The following RPL39L variants were observed in gnomAD, a reference collection of about 807,000 sequenced individuals.
The protein encoded by RPL39L is ribosomal protein eL39-like 2.
For missense variants in RPL39L, 48 were observed against 58.9 expected (o/e 0.81, Z 0.61); for synonymous variants, 16 against 20.1 (o/e 0.80, Z 0.55).
chr3:187,121,053 T>C lies in RPL39L; in HGVS notation c.*92A>G. 1.4e-6 allele frequency: 2 copies of C among 1,395,720 alleles called. No homozygotes were observed. The highest frequency in any genetic ancestry group is 2.0e-6 in the Non-Finnish European group (2 of 992,124). The allele number at this position is 1,395,720 out of a possible 1,614,324, so 86.5% of individuals were successfully genotyped here. ...ATTCCCAGTAAAACATGTGCAACTG[T>C]CCAGGTAGTGGTGACATTTTCAGCT... On this transcript the variant is annotated 3_prime_UTR_variant, in exon 3 of 3. Coordinates refer to ENST00000296277, the MANE Select transcript of RPL39L (RefSeq NM_052969.3).
intron 2 of RPL39L, among the ~76,000 whole-genome samples, chr3:187,127,317 C>G (rs1720414445): frequency 6.6e-6 from 1 of 152,070 alleles, no homozygotes; most frequent in Non-Finnish European, 1.5e-5. Context: ...TGTAATACAT[C>G]AGAGAATGGA....
chr3:187,129,691 A>T lies in RPL39L; in HGVS notation c.-92-1629T>A, dbSNP rs75392691. ...ATGTAGTACCTTTTCATTAATGTCT[A>T]CAAATTGTACTGGATTATGAACCCT... On this transcript the variant is annotated intron_variant, in intron 1 of 2. Transcript: ENST00000296277. 7.9e-3 allele frequency among the ~76,000 whole-genome samples: 1,197 copies of T among 152,306 alleles called. 13 individuals are homozygous for T. Among genetic ancestry groups the T allele is most frequent in the African/African-American group, 0.027 (1,111 of 41,564 alleles).
chr3:187,139,240 A>G lies in RPL39L; in HGVS notation c.-120T>C, dbSNP rs911666528. 1.9e-4 allele frequency: 28 copies of G among 151,200 alleles called. No homozygotes were observed. Among genetic ancestry groups the G allele is most frequent in the Non-Finnish European group, 3.7e-4 (25 of 67,850 alleles). 9.4% of individuals were successfully genotyped at this position (151,200 alleles called of 1,614,324 possible). ...GCGCCCTGGCCTCTGCTTTTTTCCC[A>G]CTCTAGGACGCAAATCTCGATCTGC... On this transcript the variant is annotated 5_prime_UTR_variant, in exon 1 of 3. Transcript: ENST00000296277.
chr3:187,138,488 G>C (rs1720624804), intron 1 of RPL39L, among the ~76,000 whole-genome samples: 1 of 152,200 alleles, frequency 6.6e-6, no homozygotes, highest in Non-Finnish European at 1.5e-5. Context: ...TTACCTACTG[G>C]AATTAATGGA....
In RPL39L at chr3:187,134,483, T is replaced by TAAAAAAAAAAAAAAA. The variant is rs72169562; in HGVS notation, c.-93+4715_-93+4729dup. ...GCCCAAACTACTTTAGCCTGACTGA[T>TAAAAAAAAAAAAAAA]AAAAAAAAAAAAAAAAAAAGAAGAC... On this transcript the variant is annotated intron_variant, in intron 1 of 2. Transcript: ENST00000296277. Among the ~76,000 whole-genome samples, 67 of 93,324 alleles carry TAAAAAAAAAAAAAAA rather than the reference T, an allele frequency of 7.2e-4. 2 individuals are homozygous for TAAAAAAAAAAAAAAA. Among genetic ancestry groups the TAAAAAAAAAAAAAAA allele is most frequent in the African/African-American group, 2.6e-3 (60 of 23,504 alleles). The allele number at this position is 93,324 out of a possible 152,430, so 61.2% of individuals were successfully genotyped here.
chr3:187,135,054 T>C (rs181153993), intron 1 of RPL39L, among the ~76,000 whole-genome samples: 15 of 152,360 alleles, frequency 9.8e-5, no homozygotes, highest in Non-Finnish European at 1.5e-4. Flanking sequence ...CAACTCAACT[T>C]GCCAAGGCTT....
At chr3:187,137,345 C>G in intron 1 of RPL39L, among the ~76,000 whole-genome samples, 1 of 151,540 alleles carries the variant, frequency 6.6e-6, no homozygotes, top group Non-Finnish European at 1.5e-5. Flanking sequence ...CCCGTCTCTA[C>G]TAAAAATACA....
intron 2 of RPL39L, among the ~76,000 whole-genome samples, chr3:187,125,141 G>A (rs1720376467): frequency 6.6e-6 from 1 of 152,130 alleles, no homozygotes; most frequent in Admixed American, 6.5e-5. Context: ...AATACGATAT[G>A]TCTATAAGGA....
chr3:187,130,393 C>T (rs568835321), intron 1 of RPL39L, among the ~76,000 whole-genome samples: 1 of 152,302 alleles, frequency 6.6e-6, no homozygotes, highest in East Asian at 1.9e-4. Flanking sequence ...GGAGGTGGGG[C>T]CTAGTGGGAG....
intron 1 of RPL39L, among the ~76,000 whole-genome samples, chr3:187,135,261 T>C (rs1318948524): frequency 1.3e-5 from 2 of 152,166 alleles, no homozygotes; most frequent in Non-Finnish European, 2.9e-5. Flanking sequence ...CTGAGCCTCA[T>C]GATGGGACGG....
Position 187,120,962 on chromosome 3 carries a change from G to C in RPL39L, c.*183C>G. ...TGACAGAGACATTTTTGAAACAAAA[G>C]CTTTCACATATTTATTACTGAATCC... On this transcript the variant is annotated 3_prime_UTR_variant, in exon 3 of 3. Coordinates refer to ENST00000296277, the MANE Select transcript of RPL39L (RefSeq NM_052969.3). 1 of 650,852 alleles carries C rather than the reference G, an allele frequency of 1.5e-6. No homozygotes were observed. The highest frequency in any genetic ancestry group is 2.7e-5 in the East Asian group (1 of 37,238). The allele number at this position is 650,852 out of a possible 1,614,324, so 40.3% of individuals were successfully genotyped here. A position where few individuals can be genotyped will look rare whatever the true frequency, so the allele number is the denominator to read the frequency against.
intron 1 of RPL39L, among the ~76,000 whole-genome samples, chr3:187,138,830 C>G (rs1397716667): frequency 6.6e-6 from 1 of 152,116 alleles, no homozygotes; most frequent in African/African-American, 2.4e-5. Flanking sequence ...GAGGCCGAGG[C>G]GGGCGGATCA....
chr3:187,132,711 T>C (rs1424948384), intron 1 of RPL39L, among the ~76,000 whole-genome samples: 2 of 152,194 alleles, frequency 1.3e-5, no homozygotes, highest in East Asian at 3.9e-4. Flanking sequence ...AGAAAGAGCA[T>C]CGCTCCTATG....
chr3:187,128,995 T>A (rs1720443831), intron 1 of RPL39L, among the ~76,000 whole-genome samples: 1 of 152,190 alleles, frequency 6.6e-6, no homozygotes, highest in Admixed American at 6.5e-5. Context: ...CCTTACAACG[T>A]CCTCTCCTTC....
intron 2 of RPL39L, among the ~76,000 whole-genome samples, chr3:187,124,468 C>T (rs1235417821): frequency 6.6e-6 from 1 of 152,180 alleles, no homozygotes; most frequent in Non-Finnish European, 1.5e-5. Context: ...CTATCAGATG[C>T]AATCATACTT....
chr3:187,135,490 T>C (rs1720559659), intron 1 of RPL39L, among the ~76,000 whole-genome samples: 1 of 152,318 alleles, frequency 6.6e-6, no homozygotes, highest in Admixed American at 6.5e-5. Context: ...CTGTCATCCA[T>C]GTAAGATGTG....
intron 2 of RPL39L, among the ~76,000 whole-genome samples, chr3:187,125,783 T>G (rs919473508): frequency 2.0e-5 from 3 of 152,134 alleles, no homozygotes; most frequent in African/African-American, 7.2e-5. Flanking sequence ...AAGTCTTCCC[T>G]GGCAATACTT....
chr3:187,127,354 T>C (rs1030919092), intron 2 of RPL39L, among the ~76,000 whole-genome samples: 1 of 152,154 alleles, frequency 6.6e-6, no homozygotes, highest in African/African-American at 2.4e-5. Flanking sequence ...TCTAACAAAT[T>C]CCCAGATGAT....
At chr3:187,138,332 T>C (rs1258256160) in intron 1 of RPL39L, among the ~76,000 whole-genome samples, 6 of 152,164 alleles carry the variant, frequency 3.9e-5, no homozygotes, top group Non-Finnish European at 7.4e-5. Flanking sequence ...GAGCCCTATG[T>C]GACTGCACGG....
Sources: gnomAD v4.1 joint callset for allele counts (sites outside exome capture counted in the v4.1 genomes callset) on GRCh38, gnomAD v4.1.1 for gene constraint, MANE v1.5 for transcripts, NCBI Gene and HGNC (gene_info 2026-07-23, HGNC 2026-07-21) for gene names.